COMMD1: variants seen among roughly 807,000 people sequenced by gnomAD.
COMMD1 encodes the protein COMM domain-containing protein 1.
Under a neutral mutation model 17.2 loss-of-function variants are expected in COMMD1, and 10 were observed. The ratio of observed to expected loss-of-function variants is 0.58; its 90% CI spans 0.36 to 0.99. The LOEUF is 0.99. Among genes scored for constraint, COMMD1 ranks in the 50% least tolerant of loss-of-function variants. The pLI is 0.01. For synonymous variants in COMMD1, 97 were observed against 91.6 expected, an observed-to-expected ratio of 1.06 and a Z score of -0.34; for missense variants, 270 against 231.8, an observed-to-expected ratio of 1.17 and a Z score of -1.07.
At chr2:62,003,637 CA>C (rs1400847573) in intron 2 of COMMD1, among the ~76,000 whole-genome samples, 12 of 147,418 alleles carry the variant, frequency 8.1e-5, no homozygotes, top group East Asian at 5.9e-4. Context: ...CACACACACA[CA>C]CACCCAACAG....
rs554757561 is a variant in COMMD1, at chr2:62,077,138, A to G, written c.463-58693A>G. Among the ~76,000 whole-genome samples the G allele has an allele frequency of 5.5e-4, 84 of 152,320 alleles. No homozygotes were observed. In the South Asian group the frequency reaches 0.016, roughly 29 times the overall value. On this transcript the variant is annotated intron_variant, in intron 2 of 2. Transcript: ENST00000311832. The stretch of plus-strand genomic sequence containing the variant: ...CGAGTGAGACCCTGTCTGAAAAAAA[A>G]TAATTATTAGAAGAGATTGATGTAA...
intron 2 of COMMD1, among the ~76,000 whole-genome samples, chr2:62,070,676 C>T (rs952495618): frequency 3.3e-5 from 5 of 152,102 alleles, no homozygotes; most frequent in African/African-American, 7.2e-5. Context: ...TCTTGGATCC[C>T]ACGCAAGAAA....
intron 2 of COMMD1, among the ~76,000 whole-genome samples, chr2:62,010,455 A>G (rs571851472): frequency 8.5e-5 from 13 of 152,198 alleles, no homozygotes; most frequent in African/African-American, 1.4e-4. Flanking sequence ...TTTAAATACC[A>G]TCTATATGGT....
chr2:61,957,258 A>G (rs901967762), intron 1 of COMMD1, among the ~76,000 whole-genome samples: 15 of 152,156 alleles, frequency 9.9e-5, no homozygotes, highest in African/African-American at 3.1e-4. Flanking sequence ...AACCTGCTTC[A>G]TAGGAGATTT....
At chr2:62,091,501 G>A (rs553916003) in intron 2 of COMMD1, among the ~76,000 whole-genome samples, 2 of 152,226 alleles carry the variant, frequency 1.3e-5, no homozygotes, top group African/African-American at 4.8e-5. Flanking sequence ...ATCCAGAACT[G>A]CTGGGTATCC....
At chr2:61,986,013 C>G (rs1418426512) in intron 1 of COMMD1, among the ~76,000 whole-genome samples, 1 of 152,146 alleles carries the variant, frequency 6.6e-6, no homozygotes, top group Middle Eastern at 3.2e-3. Context: ...ACATCCTTTC[C>G]TCTCAGACTG....
chr2:61,892,385 G>A (rs894302698), intron 1 of COMMD1, among the ~76,000 whole-genome samples: 111 of 152,156 alleles, frequency 7.3e-4, no homozygotes, highest in African/African-American at 2.6e-3. Flanking sequence ...CCAGGAACTG[G>A]TTAAGGTTAG....
intron 2 of COMMD1, among the ~76,000 whole-genome samples, chr2:62,092,688 T>C (rs1478510116): frequency 6.6e-6 from 1 of 152,128 alleles, no homozygotes; most frequent in East Asian, 1.9e-4. Context: ...ATGGAAAGAT[T>C]GTGTTAACAG....
chr2:61,972,373 A>G (rs928932436), intron 1 of COMMD1, among the ~76,000 whole-genome samples: 6 of 152,178 alleles, frequency 3.9e-5, no homozygotes, highest in African/African-American at 1.4e-4. Context: ...GACCTGTACA[A>G]AATAATTTCA....
At chr2:62,063,868 A>ATATATATATATATATATAT (rs1670947199) in intron 2 of COMMD1, among the ~76,000 whole-genome samples, 6 of 81,174 alleles carry the variant, frequency 7.4e-5, no homozygotes, top group African/African-American at 2.0e-4. Context: ...GTCTCTACAA[A>ATATATATATATATATATAT]ATATATATAT....
chr2:62,079,554 C>G (rs1573157525), intron 2 of COMMD1, among the ~76,000 whole-genome samples: 1 of 152,150 alleles, frequency 6.6e-6, no homozygotes, highest in African/African-American at 2.4e-5. Context: ...GCCTCATTTT[C>G]CTTGCCCTCA....
At chr2:61,903,006 A>G (rs1480886879), upstream of COMMD1, among the ~76,000 whole-genome samples, 1 of 152,108 alleles carries the variant, frequency 6.6e-6, no homozygotes, top group Non-Finnish European at 1.5e-5. Context: ...TTTTTCACCA[A>G]CCATTCTCTG....
intron 2 of COMMD1, among the ~76,000 whole-genome samples, chr2:62,091,620 G>A (rs1415929920): frequency 6.6e-6 from 1 of 152,166 alleles, no homozygotes; most frequent in Non-Finnish European, 1.5e-5. Context: ...TGTGCTGTCA[G>A]GGACCTCTGT....
At chr2:62,078,728 G>A (rs1055077781) in intron 2 of COMMD1, among the ~76,000 whole-genome samples, 6 of 136,258 alleles carry the variant, frequency 4.4e-5, no homozygotes, top group Non-Finnish European at 9.6e-5. Flanking sequence ...TAAAATAAAA[G>A]TAGCCGGGCA....
At chr2:61,949,041 G>C (rs1182554307) in intron 1 of COMMD1, among the ~76,000 whole-genome samples, 10 of 152,346 alleles carry the variant, frequency 6.6e-5, no homozygotes, top group Middle Eastern at 6.8e-3. Context: ...GTGGAGGCAG[G>C]AGGATCACTT....
chr2:62,061,973 G>A, intron 2 of COMMD1, among the ~76,000 whole-genome samples: 1 of 127,148 alleles, frequency 7.9e-6, no homozygotes. Flanking sequence ...TTAGTGAATA[G>A]ACAGTTACAG....
chr2:61,991,503 G>C (rs1672252121), intron 1 of COMMD1, among the ~76,000 whole-genome samples: 1 of 152,176 alleles, frequency 6.6e-6, no homozygotes, highest in African/African-American at 2.4e-5. Flanking sequence ...GGGTCAAATA[G>C]ACTTTTTGAC....
At chr2:61,897,518 TG>T (rs1558513858) in intron 1 of COMMD1, among the ~76,000 whole-genome samples, 2 of 152,120 alleles carry the variant, frequency 1.3e-5, no homozygotes, top group Admixed American at 6.6e-5. Context: ...GAGGCCGAGG[TG>T]GGTGGATCAC....
At chr2:62,023,975 T>A (rs1461198479) in intron 2 of COMMD1, among the ~76,000 whole-genome samples, 2 of 152,134 alleles carry the variant, frequency 1.3e-5, no homozygotes, top group Non-Finnish European at 2.9e-5. Flanking sequence ...TAATGTTCAG[T>A]GGAAGTAAAA....
Sources: gnomAD v4.1 joint callset for allele counts (sites outside exome capture counted in the v4.1 genomes callset) on GRCh38, gnomAD v4.1.1 for gene constraint, MANE v1.5 for transcripts, NCBI Gene and HGNC (gene_info 2026-07-23, HGNC 2026-07-21) for gene names.